Variants in MAGI1 observed in about 807,000 individuals in gnomAD.
The protein encoded by MAGI1 is membrane-associated guanylate kinase, WW and PDZ domain-containing protein 1.
In MAGI1, 58 loss-of-function variants were observed where a neutral mutation model predicts 139.9. The observed-to-expected ratio is 0.41, with a 90% confidence interval of 0.34 to 0.52. The LOEUF (loss-of-function observed/expected upper bound fraction) is 0.52. Ranked by LOEUF, MAGI1 falls within the 20% of genes least tolerant of loss-of-function variation. MAGI1 has a pLI of 0.12. For synonymous variants in MAGI1, 812 were observed against 737.9 expected, an observed-to-expected ratio of 1.10 and a Z score of -1.63; for missense variants, 1,874 against 1,901.6, an observed-to-expected ratio of 0.99 and a Z score of 0.27.
At chr3:65,647,455 T>A (rs1196235694) in intron 1 of MAGI1, among the ~76,000 whole-genome samples, 1 of 151,894 alleles carries the variant, frequency 6.6e-6, no homozygotes, top group African/African-American at 2.4e-5. Flanking sequence ...TGGACCAGTA[T>A]CTCCCACAAA....
intron 1 of MAGI1, among the ~76,000 whole-genome samples, chr3:65,859,118 C>T (rs527292158): frequency 3.6e-4 from 55 of 152,004 alleles, no homozygotes; most frequent in African/African-American, 1.2e-3. Context: ...AGATCACTTG[C>T]GGTCAGGAGT....
intron 2 of MAGI1, among the ~76,000 whole-genome samples, chr3:65,508,492 G>GAA (rs2077400985): frequency 6.6e-6 from 1 of 152,090 alleles, no homozygotes; most frequent in African/African-American, 2.4e-5. Flanking sequence ...AAAGACAATA[G>GAA]TCTTTAAATA....
intron 1 of MAGI1, among the ~76,000 whole-genome samples, chr3:65,765,093 T>C (rs372604743): frequency 6.6e-6 from 1 of 152,212 alleles, no homozygotes; most frequent in Admixed American, 6.5e-5. Context: ...CTTCCCATCA[T>C]GGAAGTCAAT....
chr3:65,891,887 TA>T (rs2060771144), intron 1 of MAGI1, among the ~76,000 whole-genome samples: 1 of 394 alleles, frequency 2.5e-3, no homozygotes, highest in Non-Finnish European at 0.01. Flanking sequence ...TAAAGTATAA[TA>T]TATATATATA....
intron 1 of MAGI1, among the ~76,000 whole-genome samples, chr3:65,782,564 G>C (rs1294031989): frequency 7.5e-6 from 1 of 132,768 alleles, no homozygotes; most frequent in African/African-American, 2.9e-5. Context: ...AACCCTTCTG[G>C]ACCAAAGGAG....
chr3:65,606,841 A>T (rs1261092941), intron 2 of MAGI1, among the ~76,000 whole-genome samples: 2 of 151,876 alleles, frequency 1.3e-5, no homozygotes, highest in Non-Finnish European at 2.9e-5. Flanking sequence ...TATTTTTTGT[A>T]GAGATGGGTT....
chr3:65,522,868 C>A (rs1161713652), intron 2 of MAGI1, among the ~76,000 whole-genome samples: 1 of 152,124 alleles, frequency 6.6e-6, no homozygotes, highest in Non-Finnish European at 1.5e-5. Flanking sequence ...TTTATGCCAC[C>A]AATTCCTGCT....
intron 1 of MAGI1, among the ~76,000 whole-genome samples, chr3:66,026,090 A>T (rs2068245204): frequency 1.3e-5 from 2 of 151,976 alleles, no homozygotes; most frequent in Non-Finnish European, 2.9e-5. Flanking sequence ...ACTAACTCAC[A>T]CAGACTTAAA....
chr3:65,356,433 G>A lies in MAGI1; in HGVS notation c.4334C>T (p.Pro1445Leu), dbSNP rs1373754233. Residue 1445 changes from proline (P) to leucine (L), a missense_variant, in exon 23 of 23, where the codon CCC becomes CTC. Around this residue, in one of 5 missense-constraint regions of MAGI1, gnomAD observed 653 missense variants for 644.5 expected, o/e 1.01. Transcript: ENST00000402939. ...GTAAGGTCGCCTTCTCTGCTCCGGGGGATGTCTGGAACTTCTGCCGGCATC... is the reference window on the plus strand; with the variant it reads ...GTAAGGTCGCCTTCTCTGCTCCGGGAGATGTCTGGAACTTCTGCCGGCATC... ...KQDAGRSSRH[P>L]PEQRRRPYKE... The A allele has an allele frequency of 1.9e-6, 3 of 1,610,048 alleles. No individual in the cohort carries two copies. Among genetic ancestry groups the A allele is most frequent in the South Asian group, 1.1e-5 (1 of 90,994 alleles).
chr3:65,763,888 T>C (rs1295383105), intron 1 of MAGI1, among the ~76,000 whole-genome samples: 2 of 151,742 alleles, frequency 1.3e-5, no homozygotes, highest in East Asian at 1.9e-4. Flanking sequence ...CTGGGCAACA[T>C]GGAGAAACCC....
chr3:65,973,717 C>T (rs978616471), intron 1 of MAGI1, among the ~76,000 whole-genome samples: 1 of 152,150 alleles, frequency 6.6e-6, no homozygotes, highest in Non-Finnish European at 1.5e-5. Context: ...ACTTACAATT[C>T]CTTGTGAGGA....
chr3:65,400,076 C>T (rs1448506244), intron 13 of MAGI1, among the ~76,000 whole-genome samples: 1 of 152,144 alleles, frequency 6.6e-6, no homozygotes, highest in African/African-American at 2.4e-5. Context: ...GATTTCCTTC[C>T]ATTTCTCTGA....
intron 21 of MAGI1, among the ~76,000 whole-genome samples, chr3:65,362,865 A>G (rs1410853916): frequency 6.6e-6 from 1 of 152,210 alleles, no homozygotes; most frequent in African/African-American, 2.4e-5. Context: ...ACATTCATCT[A>G]CAGTAACAGA....
Position 65,511,804 on chromosome 3 carries a change from C to T in MAGI1, c.431-18173G>A, listed in dbSNP as rs1318563059. On this transcript the variant is annotated intron_variant, in intron 2 of 22. Transcript: ENST00000402939. ...TGAACTCAGCTCTGCACCAAGTGGA[C>T]CTAATAGACATCTACAGAACTCTCC... 9.4e-3 allele frequency among the ~76,000 whole-genome samples: 1,316 copies of T among 140,076 alleles called. 33 individuals are homozygous for T. Among genetic ancestry groups the T allele is most frequent in the Admixed American group, 0.06 (824 of 13,674 alleles). 91.9% of individuals were successfully genotyped at this position (140,076 alleles called of 152,430 possible). A position where few individuals can be genotyped will look rare whatever the true frequency, so the allele number is the denominator to read the frequency against.
At chr3:65,761,210 T>C (rs890718189) in intron 1 of MAGI1, among the ~76,000 whole-genome samples, 4 of 152,180 alleles carry the variant, frequency 2.6e-5, no homozygotes, top group African/African-American at 9.7e-5. Context: ...AAAGATGGTA[T>C]GTTTTAGGGA....
intron 3 of MAGI1, among the ~76,000 whole-genome samples, chr3:65,486,259 A>C (rs1360387741): frequency 6.6e-6 from 1 of 152,178 alleles, no homozygotes; most frequent in Non-Finnish European, 1.5e-5. Flanking sequence ...CATAACTCCA[A>C]TTTGAAATGT....
At chr3:65,629,619 T>A (rs938743002) in intron 1 of MAGI1, among the ~76,000 whole-genome samples, 3 of 152,196 alleles carry the variant, frequency 2.0e-5, no homozygotes, top group Non-Finnish European at 2.9e-5. Context: ...TAGGATTTTT[T>A]AAACACAAAA....
At chr3:65,637,880 T>G (rs751678967) in intron 1 of MAGI1, among the ~76,000 whole-genome samples, 2 of 152,190 alleles carry the variant, frequency 1.3e-5, no homozygotes, top group African/African-American at 2.4e-5. Flanking sequence ...TATATTTATC[T>G]TGTTTATTGT....
chr3:65,893,658 T>A (rs2060855726), intron 1 of MAGI1, among the ~76,000 whole-genome samples: 1 of 152,324 alleles, frequency 6.6e-6, no homozygotes, highest in African/African-American at 2.4e-5. Flanking sequence ...AAAGACAGTA[T>A]GCAAAATTAG....
Sources: allele counts gnomAD v4.1 joint callset (sites outside exome capture counted in the v4.1 genomes callset), GRCh38; gene constraint gnomAD v4.1.1; regional missense constraint gnomAD v4.1.1; transcripts MANE v1.5; gene names NCBI Gene and HGNC (gene_info 2026-07-23, HGNC 2026-07-21).